Variants in ZNF329 observed in about 807,000 individuals in gnomAD.
ZNF329 encodes zinc finger protein 329.
Under a neutral mutation model 26.6 loss-of-function variants are expected in ZNF329, and 15 were observed. That is an observed-to-expected ratio of 0.56 (90% confidence interval 0.38 to 0.87). The LOEUF (loss-of-function observed/expected upper bound fraction) is 0.87, where lower values mean the gene tolerates loss of function less well. ZNF329 is among the 40% of genes least tolerant of loss of function. The pLI is 0.00. For missense variants in ZNF329, 651 were observed against 651.9 expected, an observed-to-expected ratio of 1.00 and a Z score of 0.02; for synonymous variants, 239 against 233.5, an observed-to-expected ratio of 1.02 and a Z score of -0.21.
intron 3 of ZNF329, chr19:58,132,681 A>G (rs1240618328): frequency 7.1e-6 from 1 of 140,086 alleles, no homozygotes; most frequent in Non-Finnish European, 1.5e-5. Context: ...CTCCGTCTGA[A>G]AAAAAAAAAA....
chr19:58,148,366 C>T (rs371561872), intron 1 of ZNF329, among the ~76,000 whole-genome samples: 8 of 136,208 alleles, frequency 5.9e-5, no homozygotes, highest in South Asian at 2.2e-4. Context: ...TCCCCCTCTG[C>T]GAGAAACACC....
At chr19:58,141,590 C>T (rs2075190142) in intron 3 of ZNF329, among the ~76,000 whole-genome samples, 1 of 152,034 alleles carries the variant, frequency 6.6e-6, no homozygotes. Context: ...CCACTGTGCC[C>T]GGCCTGGCCT....
chr19:58,126,645 C>T lies in ZNF329; in HGVS notation c.*1233G>A, dbSNP rs998083681. The T allele has an allele frequency of 3.9e-5, 6 of 152,262 alleles. No homozygotes were observed. The highest frequency in any genetic ancestry group is 1.2e-4 in the African/African-American group (5 of 41,522). The allele number at this position is 152,262 out of a possible 1,614,324, so 9.4% of individuals were successfully genotyped here. A position where few individuals can be genotyped will look rare whatever the true frequency, so the allele number is the denominator to read the frequency against. On this transcript the variant is annotated 3_prime_UTR_variant, in exon 4 of 4. Coordinates refer to ENST00000598312, the MANE Select transcript of ZNF329 (RefSeq NM_024620.4). ...TTAGAAGCAGCCCTTTCCATCTTAG[C>T]ACAAGCTTGTTTCAGTCTTTTTTTT...
At chr19:58,139,801 G>A (rs75196230) in intron 3 of ZNF329, among the ~76,000 whole-genome samples, 10 of 152,216 alleles carry the variant, frequency 6.6e-5, no homozygotes, top group Non-Finnish European at 1.2e-4. Context: ...TAGGTATTCG[G>A]GAAATGCTGA....
At chr19:58,152,782 TGGAGGCGGAGGTTG>T (rs2075480738), upstream of ZNF329, among the ~76,000 whole-genome samples, 1 of 151,866 alleles carries the variant, frequency 6.6e-6, no homozygotes, top group South Asian at 2.1e-4. Flanking sequence ...GCCTGAATCC[TGGAGGCGGAGGTTG>T]CAGTGAGCTG....
intron 1 of ZNF329, 96 bp from the exon 2 acceptor site, chr19:58,143,294 T>C (rs1483569965): frequency 7.0e-6 from 1 of 142,308 alleles, no homozygotes; most frequent in East Asian, 1.9e-4. Context: ...GAGAGGGCAT[T>C]TGAGTAAGAG....
rs1161358686 is a variant in ZNF329 at position 58,128,849 on chromosome 19, CAA to C, written c.653_654del (p.Leu218ArgfsTer16). 1.9e-6 allele frequency: 3 copies of C among 1,611,328 alleles called. No homozygotes were observed. The highest frequency in any genetic ancestry group is 2.5e-6 in the Non-Finnish European group (3 of 1,178,986). Reference protein sequence around the residue: ...CGKCFKRNSSLVLHHRTHTGE... With the variant: ...CGKCFKRNSSXVLHHRTHTGE... ...CCGGTGTGAGTTCGGTGATGCAAAA[CAA>C]GAGAAGAGTTCCGTTTGAAGCATTT... On this transcript the variant is annotated frameshift_variant, in exon 4 of 4. Transcript: ENST00000598312. LOFTEE classifies it high-confidence loss of function.
chr19:58,152,295 C>G (rs1223456148), upstream of ZNF329, among the ~76,000 whole-genome samples: 1 of 151,532 alleles, frequency 6.6e-6, no homozygotes, highest in African/African-American at 2.4e-5. Flanking sequence ...TTTGGGAAGC[C>G]GGGCTGGGGG....
chr19:58,154,227 T>C (rs147360278), upstream of ZNF329, among the ~76,000 whole-genome samples: 5,658 of 152,198 alleles, frequency 0.037, 366 homozygotes, highest in African/African-American at 0.13. Flanking sequence ...CAGGCTGGTC[T>C]ACAACCCCTG....
At chr19:58,144,778 T>G (rs191250729) in intron 1 of ZNF329, among the ~76,000 whole-genome samples, 212 of 150,862 alleles carry the variant, frequency 1.4e-3, no homozygotes, top group Admixed American at 3.4e-3. Context: ...CATGGCTCAC[T>G]GTAATCTTGA....
intron 3 of ZNF329, among the ~76,000 whole-genome samples, chr19:58,131,284 C>G (rs2074938066): frequency 6.6e-6 from 1 of 152,092 alleles, no homozygotes; most frequent in African/African-American, 2.4e-5. Context: ...GGGGGTCATG[C>G]CTGTAATCCC....
At position 58,128,531 on chromosome 19, in the gene ZNF329, T is replaced by A; in HGVS notation, c.973A>T (p.Thr325Ser). 1 of 1,614,132 alleles carries A rather than the reference T, an allele frequency of 6.2e-7. No homozygotes were observed. Among genetic ancestry groups the A allele is most frequent in the Non-Finnish European group, 8.5e-7 (1 of 1,180,012 alleles). ...TGCACTGTAAGGTGGGAGATGTCAGTGAAGGGTTTCCCACATTCGTTACAT... is the reference window on the plus strand; with the variant it reads ...TGCACTGTAAGGTGGGAGATGTCAGAGAAGGGTTTCCCACATTCGTTACAT... ...YRCNECGKPF[T>S]DISHLTVHLR... is the part of the protein sequence containing the mutation. The change falls in exon 4 of 4, where the codon ACT becomes TCT. Residue 325 changes from threonine (T) to serine (S), a missense_variant. Thr to Ser is a moderately conservative substitution (Grantham distance 58). Transcript: ENST00000598312.
At chr19:58,146,295 G>A (rs149543058) in intron 1 of ZNF329, among the ~76,000 whole-genome samples, 5,657 of 152,082 alleles carry the variant, frequency 0.037, 366 homozygotes, top group African/African-American at 0.13. Flanking sequence ...CCAACATGGC[G>A]GAACCCCGTC....
intron 3 of ZNF329, among the ~76,000 whole-genome samples, chr19:58,131,786 G>A (rs907949053): frequency 6.6e-6 from 1 of 152,162 alleles, no homozygotes; most frequent in Non-Finnish European, 1.5e-5. Context: ...CACTTTGGGA[G>A]GCTGAGGCAG....
chr19:58,140,445 C>T (rs2075159475), intron 3 of ZNF329, among the ~76,000 whole-genome samples: 1 of 141,610 alleles, frequency 7.1e-6, no homozygotes. Context: ...CAGAGTCTTG[C>T]TCTTTTGCTA....
intron 3 of ZNF329, among the ~76,000 whole-genome samples, chr19:58,135,054 GGTTT>G (rs1323537636): frequency 1.3e-5 from 2 of 152,110 alleles, no homozygotes; most frequent in East Asian, 3.9e-4. Context: ...TGTTTTTTGA[GGTTT>G]TTTTTTCTGA....
At position 58,128,832 on chromosome 19, in the gene ZNF329, A is replaced by G; in HGVS notation, c.672T>C (p.Thr224=). 6.2e-7 allele frequency: 1 copy of G among 1,609,536 alleles called. No homozygotes were observed. Among genetic ancestry groups the G allele is most frequent in the Non-Finnish European group, 8.5e-7 (1 of 1,178,116 alleles). Residue 224 remains threonine, a synonymous_variant, in exon 4 of 4, where the codon ACT becomes ACC. Transcript: ENST00000598312. ...AAGTATAAGGCTTCTCTCCGGTGTG[A>G]GTTCGGTGATGCAAAACAAGAGAAG... ...RNSSLVLHHR[T]HTGEKPYTCN... is the part of the protein sequence containing the mutation.
At chr19:58,149,355 C>G (rs1467079436) in intron 1 of ZNF329, among the ~76,000 whole-genome samples, 1 of 152,086 alleles carries the variant, frequency 6.6e-6, no homozygotes, top group Non-Finnish European at 1.5e-5. Context: ...TCACTTTACT[C>G]TATGGACTCG....
chr19:58,144,733 G>T (rs1326758339), intron 1 of ZNF329, among the ~76,000 whole-genome samples: 1 of 142,112 alleles, frequency 7.0e-6, no homozygotes. Flanking sequence ...ACAGAGTCTT[G>T]CTTTGATGCT....
Sources: gnomAD v4.1 joint callset for allele counts (sites outside exome capture counted in the v4.1 genomes callset) on GRCh38, gnomAD v4.1.1 for gene constraint, MANE v1.5 for transcripts, NCBI Gene and HGNC (gene_info 2026-07-23, HGNC 2026-07-21) for gene names.